HELZ: variants seen among roughly 807,000 people sequenced by gnomAD.
HELZ encodes the protein ATP-dependent RNA helicase with zinc finger domain.
HELZ carries 23 observed loss-of-function variants against 218.2 expected under a neutral mutation model. The ratio of observed to expected loss-of-function variants is 0.11; its 90% CI spans 0.08 to 0.15. The LOEUF (loss-of-function observed/expected upper bound fraction) is 0.15, where lower values mean the gene tolerates loss of function less well. Among genes scored for constraint, HELZ ranks in the 10% least tolerant of loss-of-function variants. HELZ has a pLI of 1.00. For synonymous variants in HELZ, 814 were observed against 829.4 expected (o/e 0.98, Z 0.32); for missense variants, 1,813 against 2,353.7 (o/e 0.77, Z 4.75).
intron 31 of HELZ, among the ~76,000 whole-genome samples, chr17:67,100,685 AT>A (rs34293736): frequency 6.6e-5 from 10 of 152,204 alleles, no homozygotes; most frequent in African/African-American, 9.6e-5. Context: ...AAAAGGTCCC[AT>A]TAATAACAAA....
intron 6 of HELZ, among the ~76,000 whole-genome samples, chr17:67,201,550 G>C (rs1385448590): frequency 6.6e-6 from 1 of 152,124 alleles, no homozygotes; most frequent in Non-Finnish European, 1.5e-5. Context: ...AGATTAATAA[G>C]TTTGTATGTA....
At position 67,178,849 on chromosome 17, in the gene HELZ, T is replaced by C. The variant is rs774967137; in HGVS notation, c.1240A>G (p.Ile414Val). The C allele has an allele frequency of 5.0e-6, 8 of 1,613,338 alleles. No individual in the cohort carries two copies. In the African/African-American group the frequency reaches 8.0e-5, roughly 16 times the overall value. The change falls in exon 13 of 33, where the codon ATA becomes GTA. Residue 414 changes from isoleucine (I) to valine (V), a missense_variant. Ile to Val is a conservative substitution (Grantham distance 29, BLOSUM62 3). This residue lies in a region of HELZ where 714 missense variants were observed against 1,029.2 expected (regional missense o/e 0.69). Transcript: ENST00000358691. ...KRWDSSSKTI[I>V]DFEPNETTDL... is the part of the protein sequence containing the mutation. The stretch of plus-strand genomic sequence containing the variant: ...GTAGTTTCATTAGGTTCAAAATCTA[T>C]AATAGTCTTAGAGGAAGAATCCCAA...
At position 67,132,218 on chromosome 17, in the gene HELZ, C is replaced by CTGTGTGTGTGTGTGTGTGTGTGTGTGTG. The variant is rs57691319; in HGVS notation, c.3183-3391_3183-3364dup. 3.4e-5 allele frequency among the ~76,000 whole-genome samples: 5 copies of CTGTGTGTGTGTGTGTGTGTGTGTGTGTG among 147,878 alleles called. No individual in the cohort carries two copies. In the South Asian group the frequency reaches 8.7e-4, roughly 26 times the overall value. ...AAAATCACTTGGTGTCCTTAGGTCA[C>CTGTGTGTGTGTGTGTGTGTGTGTGTGTG]TGTGTGTGTGTGTGTGTGTGTGTGT... On this transcript the variant is annotated intron_variant, in intron 23 of 32. Coordinates refer to ENST00000358691, the MANE Select transcript of HELZ (RefSeq NM_014877.4).
At chr17:67,142,218 T>TAA (rs2038349473) in intron 21 of HELZ, among the ~76,000 whole-genome samples, 1 of 151,546 alleles carries the variant, frequency 6.6e-6, no homozygotes, top group Non-Finnish European at 1.5e-5. Flanking sequence ...GTGAATGGAT[T>TAA]AAAAACCCCA....
intron 12 of HELZ, among the ~76,000 whole-genome samples, chr17:67,186,877 C>G (rs1283385560): frequency 6.6e-6 from 1 of 152,144 alleles, no homozygotes; most frequent in African/African-American, 2.4e-5. Flanking sequence ...CTTAGTGGTT[C>G]TCAAGGTCTG....
At chr17:67,200,854 T>A in intron 7 of HELZ, 2 of 355,634 alleles carry the variant, frequency 5.6e-6, no homozygotes, top group South Asian at 1.1e-4. Flanking sequence ...ATCTTCCCAT[T>A]TGTTGTCCAG....
intron 13 of HELZ, among the ~76,000 whole-genome samples, chr17:67,171,836 TG>T (rs1422862202): frequency 2.0e-5 from 3 of 146,952 alleles, no homozygotes; most frequent in African/African-American, 8.0e-5. Context: ...TGTTTTGTTT[TG>T]TTTTTTTTTT....
intron 31 of HELZ, among the ~76,000 whole-genome samples, chr17:67,105,477 T>A (rs2037072495): frequency 6.6e-6 from 1 of 152,204 alleles, no homozygotes; most frequent in Admixed American, 6.5e-5. Flanking sequence ...GTGTAATTGC[T>A]TAACAGTTAT....
chr17:67,082,076 G>T (rs2036211630), intron 32 of HELZ, among the ~76,000 whole-genome samples: 1 of 152,144 alleles, frequency 6.6e-6, no homozygotes, highest in South Asian at 2.1e-4. Context: ...ACCTTCCATG[G>T]ATTAAACACA....
chr17:67,102,576 C>G (rs1394803026), intron 31 of HELZ, among the ~76,000 whole-genome samples: 1 of 152,162 alleles, frequency 6.6e-6, no homozygotes, highest in African/African-American at 2.4e-5. Flanking sequence ...AGGGAAAAGC[C>G]TTTTCTTTGT....
chr17:67,164,344 G>A (rs929477750), intron 15 of HELZ, among the ~76,000 whole-genome samples: 4 of 152,204 alleles, frequency 2.6e-5, no homozygotes, highest in Non-Finnish European at 4.4e-5. Context: ...GAGGAAGAGA[G>A]CATATGAGCT....
chr17:67,120,889 A>G (rs1055597360), intron 26 of HELZ, among the ~76,000 whole-genome samples: 1 of 152,246 alleles, frequency 6.6e-6, no homozygotes, highest in Non-Finnish European at 1.5e-5. Context: ...ATTGGTAATT[A>G]TTCCTTGAGG....
At chr17:67,173,731 G>C (rs1284130602) in intron 13 of HELZ, among the ~76,000 whole-genome samples, 1 of 151,936 alleles carries the variant, frequency 6.6e-6, no homozygotes. Context: ...CACTAGACCT[G>C]TCACCAACAG....
chr17:67,122,257 CGGGCATGGCCA>C (rs2037633200), intron 26 of HELZ, among the ~76,000 whole-genome samples: 1 of 151,964 alleles, frequency 6.6e-6, no homozygotes, highest in African/African-American at 2.4e-5. Flanking sequence ...AAAAATTAGC[CGGGCATGGCCA>C]GGTGCAGTGG....
At chr17:67,220,606 T>C (rs965244819) in intron 3 of HELZ, among the ~76,000 whole-genome samples, 58 of 152,196 alleles carry the variant, frequency 3.8e-4, no homozygotes, top group African/African-American at 1.4e-3. Context: ...ACTCAGCATC[T>C]TGAGTAGCTG....
At chr17:67,133,327 T>C (rs1217707079) in intron 23 of HELZ, among the ~76,000 whole-genome samples, 5 of 152,184 alleles carry the variant, frequency 3.3e-5, no homozygotes, top group Non-Finnish European at 7.3e-5. Flanking sequence ...CAGGAAGAAT[T>C]ATTCACCCAT....
upstream of HELZ, chr17:67,245,404 C>A: frequency 1.2e-6 from 1 of 844,210 alleles, no homozygotes; most frequent in Non-Finnish European, 1.4e-6. Context: ...TAAAACGTGG[C>A]TTTGGGGTTT....
chr17:67,219,375 G>C (rs944500148), intron 3 of HELZ, among the ~76,000 whole-genome samples: 11 of 152,212 alleles, frequency 7.2e-5, no homozygotes, highest in African/African-American at 2.7e-4. Context: ...TAGCAGCAAT[G>C]AATGCAAAGA....
At position 67,107,654 on chromosome 17, in the gene HELZ, G is replaced by A. The variant is rs1254150127; in HGVS notation, c.4756C>T (p.Arg1586Cys). 29 of 1,613,690 alleles carry A rather than the reference G, an allele frequency of 1.8e-5. No individual in the cohort carries two copies. Among genetic ancestry groups the A allele is most frequent in the Non-Finnish European group, 2.3e-5 (27 of 1,179,954 alleles). Residue 1586 changes from arginine to cysteine, a missense_variant, in exon 31 of 33, where the codon CGT (arginine) becomes TGT (cysteine). Physicochemically the swap from Arg to Cys is radical, Grantham distance 180. Around this residue, in one of 4 missense-constraint regions of HELZ, gnomAD observed 938 missense variants for 1,027.5 expected, o/e 0.91. Coordinates refer to ENST00000358691, the MANE Select transcript of HELZ (RefSeq NM_014877.4). ...FQDLIRELSH[R>C]DQSETRELAE... ...AGTTCCCGTGTTTCACTTTGATCAC[G>A]ATGAGACAGTTCTCTGATTAAGTCT...
Sources: gnomAD v4.1 joint callset for allele counts (sites outside exome capture counted in the v4.1 genomes callset) on GRCh38, gnomAD v4.1.1 for gene constraint, gnomAD v4.1.1 regional missense constraint, MANE v1.5 for transcripts, NCBI Gene and HGNC (gene_info 2026-07-23, HGNC 2026-07-21) for gene names.